Variants in PCK2 observed in about 807,000 individuals in gnomAD.
The protein encoded by PCK2 is phosphoenolpyruvate carboxykinase 2, mitochondrial, also known as phosphoenolpyruvate carboxykinase [GTP], mitochondrial.
In PCK2, 56 loss-of-function variants were observed where a neutral mutation model predicts 65.9. That is an observed-to-expected ratio of 0.85 (90% CI 0.69 to 1.06). PCK2 has a LOEUF of 1.06. PCK2 is among the 50% of genes least tolerant of loss of function. The pLI is 0.00. For synonymous variants in PCK2, 305 were observed against 319.6 expected, an observed-to-expected ratio of 0.95 and a Z score of 0.49; for missense variants, 843 against 863.1, an observed-to-expected ratio of 0.98 and a Z score of 0.29.
chr14:24,094,354 C>T lies in PCK2; in HGVS notation c.-52C>T, dbSNP rs565058072. The stretch of plus-strand genomic sequence containing the variant: ...CTCCCTCCTTCCCCGCCTTCCATAC[C>T]TCCCCGGCTCCGCTCGGTTCCTGGC... On this transcript the variant is annotated 5_prime_UTR_variant, in exon 1 of 10. Coordinates refer to ENST00000216780, the MANE Select transcript of PCK2 (RefSeq NM_004563.4). This position sits in a 1 kb window ranked among gnomAD's most constrained non-coding sequence, Gnocchi z 4.1. 6.6e-7 allele frequency: 1 copy of T among 1,507,558 alleles called. No individual in the cohort carries two copies. The highest frequency in any genetic ancestry group is 8.9e-7 in the Non-Finnish European group (1 of 1,119,900). 93.4% of individuals were successfully genotyped at this position (1,507,558 alleles called of 1,614,324 possible).
chr14:24,096,990 G>T lies in PCK2; in HGVS notation c.128G>T (p.Gly43Val), dbSNP rs761909085. ...LSGDLGQLPT[G>V]IRDFVEHSAR... is the part of the protein sequence containing the mutation. ...GGAGATCTGGGCCAGCTTCCCACTG[G>T]CATTCGAGATTTTGTAGAGCACAGT... The change falls in exon 2 of 10, where the codon GGC becomes GTC. Residue 43 changes from glycine (G) to valine (V), a missense_variant. Coordinates refer to ENST00000216780, the MANE Select transcript of PCK2 (RefSeq NM_004563.4). The T allele has an allele frequency of 1.9e-6, 3 of 1,613,304 alleles. No homozygotes were observed. In the Admixed American group the frequency reaches 5.0e-5, roughly 27 times the overall value.
In PCK2 at chr14:24,097,102, G is replaced by C. The variant is rs761950710; in HGVS notation, c.240G>C (p.Gln80His). 1.2e-6 allele frequency: 2 copies of C among 1,613,962 alleles called. No individual in the cohort carries two copies. Among genetic ancestry groups the C allele is most frequent in the South Asian group, 2.2e-5 (2 of 91,052 alleles). Residue 80 changes from glutamine to histidine, a missense_variant, in exon 2 of 10, where the codon CAG (glutamine) becomes CAC (histidine). Gln to His is a conservative substitution (Grantham distance 24). Transcript: ENST00000216780. ...NTATLTLLEQQGLIRKLPKYN... is the reference protein window; with the variant it reads ...NTATLTLLEQHGLIRKLPKYN... ...CCACACTGACCCTGCTGGAGCAGCAGGGCCTCATCCGAAAGCTCCCCAAGT... is the reference window on the plus strand; with the variant it reads ...CCACACTGACCCTGCTGGAGCAGCACGGCCTCATCCGAAAGCTCCCCAAGT...
At position 24,103,755 on chromosome 14, in the gene PCK2, C is replaced by A. The variant is rs972261952; in HGVS notation, c.1714C>A (p.Pro572Thr). The A allele has an allele frequency of 1.2e-6, 2 of 1,614,054 alleles. No homozygotes were observed. Among genetic ancestry groups the A allele is most frequent in the African/African-American group, 2.7e-5 (2 of 74,922 alleles). Residue 572 changes from proline to threonine, a missense_variant, in exon 10 of 10, where the codon CCC becomes ACC. Physicochemically the swap from Pro to Thr is conservative, Grantham distance 38. Transcript: ENST00000216780. ...GGGGGAGGACAGTGCCCGAGAGACA[C>A]CCATTGGGCTGGTGCCAAAGGAAGG... is the stretch of plus-strand genomic sequence containing the variant. ...LEGEDSARET[P>T]IGLVPKEGAL...
chr14:24,099,864 C>T (rs777829664), intron 6 of PCK2, 131 bp from the exon 7 acceptor site: 136 of 1,568,184 alleles, frequency 8.7e-5, no homozygotes, highest in Admixed American at 3.0e-4. Flanking sequence ...CCCAGCCACC[C>T]GAGAGACAGC....
Position 24,094,755 on chromosome 14 carries a change from T to G in PCK2, c.29+321T>G. 3 of 1,439,188 alleles carry G rather than the reference T, an allele frequency of 2.1e-6. No individual in the cohort carries two copies. Among genetic ancestry groups the G allele is most frequent in the East Asian group, 3.1e-5 (1 of 31,942 alleles). 89.2% of individuals were successfully genotyped at this position (1,439,188 alleles called of 1,614,324 possible). ...GAGCCAGGTCTCCGCATATCCTCCT[T>G]TCCTTCCCAGATACCTCCCTCGGAC... On this transcript the variant is annotated intron_variant, in intron 1 of 9. Transcript: ENST00000216780. This position sits in a 1 kb window ranked among gnomAD's most constrained non-coding sequence, Gnocchi z 4.1.
chr14:24,095,386 T>C (rs2036823257), intron 1 of PCK2: 1 of 381,126 alleles, frequency 2.6e-6, no homozygotes, highest in Admixed American at 3.0e-5. Context: ...CAGGTCCCAG[T>C]AGCCCTCCTC....
intron 5 of PCK2, 104 bp from the exon 6 acceptor site, chr14:24,099,454 T>C (rs1210032643): frequency 1.7e-6 from 2 of 1,158,682 alleles, no homozygotes; most frequent in African/African-American, 1.5e-5. Context: ...ATATAGTTAA[T>C]AAACATTGGT....
intron 2 of PCK2, among the ~76,000 whole-genome samples, chr14:24,097,590 AT>A (rs200681299): frequency 0.69 from 95,342 of 137,666 alleles, 33,744 homozygotes; most frequent in East Asian, 0.97. Context: ...AGAAACTGGG[AT>A]TTTTTTTTTT....
At position 24,103,931 on chromosome 14, in the gene PCK2, T is replaced by G. The variant is rs1175507332; in HGVS notation, c.1890T>G (p.Leu630=). 4 of 1,613,964 alleles carry G rather than the reference T, an allele frequency of 2.5e-6. No homozygotes were observed. Among genetic ancestry groups the G allele is most frequent in the South Asian group, 2.2e-5 (2 of 91,082 alleles). ...QDLPKEVLAE[L]EALERRVHKM is the part of the protein sequence containing the mutation. ...TGCCCAAAGAGGTGTTGGCTGAGCT[T>G]GAGGCCCTGGAGAGACGTGTGCACA... is the stretch of plus-strand genomic sequence containing the variant. Residue 630 remains leucine (L), a synonymous_variant, in exon 10 of 10, where the codon CTT becomes CTG. Transcript: ENST00000216780.
In PCK2 at chr14:24,100,110, T is replaced by C. The variant is rs1455628253; in HGVS notation, c.1131T>C (p.Asn377=). The change falls in exon 7 of 10, where the codon AAT becomes AAC. Residue 377 remains asparagine (N), a synonymous_variant. Transcript: ENST00000216780. ...ATIQSNTIFT[N]VAETSDGGVY... ...TCCAGAGTAACACTATTTTTACCAA[T>C]GTGGCTGAGACCAGTGATGGTGGCG... 2 of 1,612,792 alleles carry C rather than the reference T, an allele frequency of 1.2e-6. 1 individual carries two copies. Among genetic ancestry groups the C allele is most frequent in the African/African-American group, 2.7e-5 (2 of 74,914 alleles).
At position 24,098,476 on chromosome 14, in the gene PCK2, C is replaced by A. The variant is rs747137349; in HGVS notation, c.462C>A (p.Gly154=). ...VDERFPGCMQ[G]RTMYVLPFSM... is the part of the protein sequence containing the mutation. ...TCCAGGGGATGCCTTCCTCCACAGG[C>A]CGCACCATGTATGTGCTTCCATTCA... Residue 154 remains glycine, a splice_region_variant and synonymous_variant, in exon 4 of 10, where the codon GGC becomes GGA. Coordinates refer to ENST00000216780, the MANE Select transcript of PCK2 (RefSeq NM_004563.4). 6 of 1,614,002 alleles carry A rather than the reference C, an allele frequency of 3.7e-6. No individual in the cohort carries two copies. The highest frequency in any genetic ancestry group is 5.1e-6 in the Non-Finnish European group (6 of 1,179,942).
chr14:24,099,408 G>A, intron 5 of PCK2, 150 bp from the exon 6 acceptor site: 1 of 986,348 alleles, frequency 1.0e-6, no homozygotes, highest in Non-Finnish European at 1.5e-6. Flanking sequence ...GGTTTCCCCT[G>A]CCACTAACCC....
Position 24,103,650 on chromosome 14 carries a change from C to T in PCK2, c.1609C>T (p.Arg537Cys), listed in dbSNP as rs757079266. 59 of 1,614,024 alleles carry T rather than the reference C, an allele frequency of 3.7e-5. No individual in the cohort carries two copies. Among genetic ancestry groups the T allele is most frequent in the Non-Finnish European group, 1.4e-5 (16 of 1,180,000 alleles). ...PRIFHVNWFR[R>C]DEAGHFLWPG... ...TATCTTCCATGTCAACTGGTTCCGG[C>T]GTGACGAGGCAGGGCACTTCCTGTG... Residue 537 changes from arginine to cysteine, a missense_variant, in exon 10 of 10, where the codon CGT (arginine) becomes TGT (cysteine). Transcript: ENST00000216780.
chr14:24,098,185 C>T lies in PCK2; in HGVS notation c.276-18C>T, dbSNP rs1244835291. 7.0e-6 allele frequency: 11 copies of T among 1,576,452 alleles called. No homozygotes were observed. In the East Asian group the frequency reaches 2.5e-4, roughly 36 times the overall value. ...AACCTGCTGGCCACCATCTTCCTGACAATCCCCTCTCCCCCAGCTGGCTGG... is the reference window on the plus strand; with the variant it reads ...AACCTGCTGGCCACCATCTTCCTGATAATCCCCTCTCCCCCAGCTGGCTGG... On this transcript the variant is annotated intron_variant, in intron 2 of 9. Coordinates refer to ENST00000216780, the MANE Select transcript of PCK2 (RefSeq NM_004563.4).
chr14:24,103,998 C>T lies in PCK2; in HGVS notation c.*34C>T. On this transcript the variant is annotated 3_prime_UTR_variant, in exon 10 of 10. Coordinates refer to ENST00000216780, the MANE Select transcript of PCK2 (RefSeq NM_004563.4). ...CCTAGTCTAGCAAGAGGACATAGCACCCTCATCTGGGAATAGGGAAGGCAC... is the reference window on the plus strand; with the variant it reads ...CCTAGTCTAGCAAGAGGACATAGCATCCTCATCTGGGAATAGGGAAGGCAC... 1.3e-6 allele frequency: 2 copies of T among 1,511,042 alleles called. No individual in the cohort carries two copies. Among genetic ancestry groups the T allele is most frequent in the Non-Finnish European group, 1.8e-6 (2 of 1,089,214 alleles). The allele number at this position is 1,511,042 out of a possible 1,614,324, so 93.6% of individuals were successfully genotyped here.
At position 24,103,794 on chromosome 14, in the gene PCK2, A is replaced by G. The variant is rs1392611290; in HGVS notation, c.1753A>G (p.Ser585Gly). Residue 585 changes from serine (S) to glycine (G), a missense_variant, in exon 10 of 10, where the codon AGC becomes GGC. Ser to Gly is a moderately conservative substitution (Grantham distance 56). Transcript: ENST00000216780. ...LVPKEGALDLSGLRAIDTTQL... is the reference protein window; with the variant it reads ...LVPKEGALDLGGLRAIDTTQL... Reference sequence around the variant, plus strand: ...GCCAAAGGAAGGAGCCTTGGATCTCAGCGGCCTCAGAGCTATAGACACCAC... The same window carrying G: ...GCCAAAGGAAGGAGCCTTGGATCTCGGCGGCCTCAGAGCTATAGACACCAC... The G allele has an allele frequency of 1.9e-6, 3 of 1,614,192 alleles. No homozygotes were observed. The highest frequency in any genetic ancestry group is 2.5e-6 in the Non-Finnish European group (3 of 1,180,006).
intron 1 of PCK2, chr14:24,095,158 C>T (rs888196510): frequency 2.2e-6 from 1 of 456,106 alleles, no homozygotes. Flanking sequence ...GTCCCAGAGT[C>T]GGAAGTGACC....
Position 24,103,704 on chromosome 14 carries a change from C to T in PCK2, c.1663C>T (p.Leu555=), listed in dbSNP as rs773555464. 6.2e-7 allele frequency: 1 copy of T among 1,614,164 alleles called. No homozygotes were observed. Among genetic ancestry groups the T allele is most frequent in the East Asian group, 2.2e-5 (1 of 44,872 alleles). The part of the protein sequence containing the change: ...WPGFGENARV[L]DWICRRLEGE... ...AGGCTTTGGGGAGAATGCTCGGGTG[C>T]TAGACTGGATCTGCCGGCGGTTAGA... is the stretch of plus-strand genomic sequence containing the variant. Residue 555 remains leucine, a synonymous_variant, in exon 10 of 10, where the codon CTA becomes TTA. Transcript: ENST00000216780.
Position 24,094,822 on chromosome 14 carries a change from G to A in PCK2, c.29+388G>A, listed in dbSNP as rs2036787341. The A allele has an allele frequency of 1.5e-6, 2 of 1,331,476 alleles. No homozygotes were observed. Among genetic ancestry groups the A allele is most frequent in the African/African-American group, 3.0e-5 (2 of 67,540 alleles). 82.5% of individuals were successfully genotyped at this position (1,331,476 alleles called of 1,614,324 possible). A position where few individuals can be genotyped will look rare whatever the true frequency, so the allele number is the denominator to read the frequency against. ...GCCAGCGCCCCAGGGTACTTCGAGA[G>A]GCAGCAGGGCCCTGGGGACAAGGGT... is the stretch of plus-strand genomic sequence containing the variant. On this transcript the variant is annotated intron_variant, in intron 1 of 9. Coordinates refer to ENST00000216780, the MANE Select transcript of PCK2 (RefSeq NM_004563.4). The surrounding 1 kb of genome is among the most constrained non-coding windows in gnomAD (Gnocchi z 4.1).
Sources: gnomAD v4.1 joint callset for allele counts (sites outside exome capture counted in the v4.1 genomes callset) on GRCh38, gnomAD v4.1.1 for gene constraint, Gnocchi (gnomAD v3.1) non-coding constraint, MANE v1.5 for transcripts, NCBI Gene and HGNC (gene_info 2026-07-23, HGNC 2026-07-21) for gene names.